Variants in GRM7 observed in about 807,000 individuals in gnomAD.
GRM7 encodes the protein glutamate metabotropic receptor 7.
A neutral mutation model predicts 84.5 loss-of-function variants in GRM7; 35 were observed. The observed-to-expected ratio is 0.41, with a 90% CI of 0.32 to 0.55. The LOEUF is 0.55. Among genes scored for constraint, GRM7 ranks in the 20% least tolerant of loss-of-function variants. GRM7 has a pLI of 0.19. For synonymous variants in GRM7, 487 were observed against 455.1 expected (o/e 1.07, Z -0.89); for missense variants, 1,003 against 1,194.6 (o/e 0.84, Z 2.36).
chr3:7,271,240 G>A (rs2124977587), intron 2 of GRM7, among the ~76,000 whole-genome samples: 1 of 152,254 alleles, frequency 6.6e-6, no homozygotes, highest in South Asian at 2.1e-4. Context: ...AAGCTGCTTG[G>A]TTACATAACC....
intron 1 of GRM7, among the ~76,000 whole-genome samples, chr3:6,922,188 C>G (rs1292159742): frequency 6.6e-6 from 1 of 152,220 alleles, no homozygotes; most frequent in African/African-American, 2.4e-5. Context: ...TGCTTTTAAC[C>G]TATCATACTA....
chr3:7,575,243 T>C (rs1053450557), intron 7 of GRM7, among the ~76,000 whole-genome samples: 1 of 152,146 alleles, frequency 6.6e-6, no homozygotes, highest in African/African-American at 2.4e-5. Context: ...ACCATAAACC[T>C]TGGATGTCCA....
At chr3:7,207,884 C>T (rs1696290753) in intron 2 of GRM7, among the ~76,000 whole-genome samples, 1 of 152,084 alleles carries the variant, frequency 6.6e-6, no homozygotes, top group Non-Finnish European at 1.5e-5. Context: ...TTTCATATGC[C>T]TCTGTAATTA....
chr3:6,950,470 G>A (rs1332182127), intron 1 of GRM7, among the ~76,000 whole-genome samples: 1 of 152,214 alleles, frequency 6.6e-6, no homozygotes, highest in Non-Finnish European at 1.5e-5. Flanking sequence ...GCCCCTACTG[G>A]GGGGTGCCTC....
At chr3:7,530,667 T>G (rs962642627) in intron 7 of GRM7, among the ~76,000 whole-genome samples, 1 of 152,218 alleles carries the variant, frequency 6.6e-6, no homozygotes, top group Non-Finnish European at 1.5e-5. Flanking sequence ...CTCATTGTGG[T>G]TTTGATTTGC....
At chr3:7,555,189 T>C (rs1575488788) in intron 7 of GRM7, among the ~76,000 whole-genome samples, 1 of 152,210 alleles carries the variant, frequency 6.6e-6, no homozygotes, top group East Asian at 1.9e-4. Flanking sequence ...ACATTTAGTA[T>C]AGGTCTGATT....
chr3:6,884,182 C>G (rs1695610776), intron 1 of GRM7: 1 of 152,534 alleles, frequency 6.6e-6, no homozygotes, highest in African/African-American at 2.4e-5. Context: ...ATCAATTTGT[C>G]AAGTACAGTA....
intron 5 of GRM7, among the ~76,000 whole-genome samples, chr3:7,448,882 C>A (rs557089953): frequency 6.6e-6 from 1 of 151,754 alleles, no homozygotes; most frequent in African/African-American, 2.4e-5. Context: ...AGAAATGGGT[C>A]CCCTCAATTA....
intron 2 of GRM7, among the ~76,000 whole-genome samples, chr3:7,298,343 AG>A (rs1268086122): frequency 2.0e-5 from 3 of 152,168 alleles, no homozygotes; most frequent in Admixed American, 2.0e-4. Flanking sequence ...AGTGTTATTA[AG>A]GGGTATTGCA....
At chr3:7,097,647 C>A (rs924365550) in intron 1 of GRM7, among the ~76,000 whole-genome samples, 1 of 152,010 alleles carries the variant, frequency 6.6e-6, no homozygotes, top group African/African-American at 2.4e-5. Context: ...AAATAGAATT[C>A]TCTCTACTGT....
intron 8 of GRM7, among the ~76,000 whole-genome samples, chr3:7,672,782 A>G (rs1028034408): frequency 6.6e-6 from 1 of 151,508 alleles, no homozygotes; most frequent in South Asian, 2.1e-4. Context: ...TTTTTTTTGT[A>G]TTTTTTAGTA....
At chr3:7,349,121 A>G (rs1011333717) in intron 4 of GRM7, among the ~76,000 whole-genome samples, 1 of 152,106 alleles carries the variant, frequency 6.6e-6, no homozygotes, top group African/African-American at 2.4e-5. Flanking sequence ...CTTCTTTAGC[A>G]TGCAGTCTGA....
chr3:7,003,057 G>T (rs1695069378), intron 1 of GRM7, among the ~76,000 whole-genome samples: 1 of 152,122 alleles, frequency 6.6e-6, no homozygotes, highest in African/African-American at 2.4e-5. Context: ...ACAAAACTCA[G>T]AGTAGAAAGT....
chr3:7,090,636 A>G (rs1335095130), intron 1 of GRM7, among the ~76,000 whole-genome samples: 1 of 152,222 alleles, frequency 6.6e-6, no homozygotes, highest in African/African-American at 2.4e-5. Flanking sequence ...TAGAGAGTTG[A>G]TAGTATTCCT....
At chr3:7,229,777 T>C (rs1401556885) in intron 2 of GRM7, among the ~76,000 whole-genome samples, 1 of 103,230 alleles carries the variant, frequency 9.7e-6, no homozygotes, top group African/African-American at 3.2e-5. Flanking sequence ...TTTTTTTTGG[T>C]TGACAGGTGT....
intron 1 of GRM7, among the ~76,000 whole-genome samples, chr3:7,109,107 G>A (rs1452901597): frequency 6.6e-6 from 1 of 152,028 alleles, no homozygotes; most frequent in Non-Finnish European, 1.5e-5. Flanking sequence ...AGGCTGATAT[G>A]AAATGAGAAG....
At chr3:7,096,139 G>T (rs1306725617) in intron 1 of GRM7, among the ~76,000 whole-genome samples, 1 of 152,024 alleles carries the variant, frequency 6.6e-6, no homozygotes, top group East Asian at 1.9e-4. Context: ...CTATCCTAAA[G>T]CTAACTCAAG....
intron 2 of GRM7, among the ~76,000 whole-genome samples, chr3:7,199,676 C>T (rs554251638): frequency 1.1e-4 from 17 of 152,270 alleles, no homozygotes; most frequent in South Asian, 8.3e-4. Flanking sequence ...TATTAGTAAA[C>T]GTCCTACAAT....
At chr3:7,053,671 A>C (rs1193435067) in intron 1 of GRM7, among the ~76,000 whole-genome samples, 1 of 151,154 alleles carries the variant, frequency 6.6e-6, no homozygotes, top group Non-Finnish European at 1.5e-5. Flanking sequence ...AAATGAATTG[A>C]CCTTGTATGA....
Sources: gnomAD v4.1 joint callset for allele counts (sites outside exome capture counted in the v4.1 genomes callset) on GRCh38, gnomAD v4.1.1 for gene constraint, MANE v1.5 for transcripts, NCBI Gene and HGNC (gene_info 2026-07-23, HGNC 2026-07-21) for gene names.